Variants in METTL25 observed in about 807,000 individuals in gnomAD.
METTL25 encodes probable methyltransferase-like protein 25.
A neutral mutation model predicts 71.6 loss-of-function variants in METTL25; 64 were observed. The observed-to-expected ratio is 0.89, with a 90% CI of 0.73 to 1.10. The LOEUF is 1.10. Ranked by LOEUF, METTL25 falls within the 50% of genes least tolerant of loss-of-function variation. METTL25 has a pLI of 0.00. For synonymous variants in METTL25, 287 were observed against 250.3 expected, an observed-to-expected ratio of 1.15 and a Z score of -1.38; for missense variants, 807 against 707.0, an observed-to-expected ratio of 1.14 and a Z score of -1.60.
At chr12:82,397,660 A>C (rs1201756316) in intron 3 of METTL25, among the ~76,000 whole-genome samples, 1 of 152,008 alleles carries the variant, frequency 6.6e-6, no homozygotes, top group Non-Finnish European at 1.5e-5. Flanking sequence ...TTTTATATCA[A>C]CATCCAGTTA....
chr12:82,456,582 C>T (rs1421148728), intron 8 of METTL25, 145 bp from the exon 9 acceptor site: 1 of 492,166 alleles, frequency 2.0e-6, no homozygotes, highest in East Asian at 3.2e-5. Context: ...TTTAAAATGT[C>T]CTCAAAAGTA....
rs569316596 is a variant in METTL25, at chr12:82,391,517, A to ATGTT, written c.531+1595_531+1596insTGTT. The stretch of plus-strand genomic sequence containing the variant: ...ATATAAATGAACTTATGTTAATTGT[A>ATGTT]CAGTGTGATGTTTTGTTAGTATATG... On this transcript the variant is annotated intron_variant, in intron 3 of 11. Transcript: ENST00000248306. 3.0e-3 allele frequency among the ~76,000 whole-genome samples: 442 copies of ATGTT among 145,042 alleles called. 1 individual carries two copies. Among genetic ancestry groups the ATGTT allele is most frequent in the African/African-American group, 0.011 (427 of 38,740 alleles).
At chr12:82,389,976 A>ATTATTCATATTTCACCTTTTTACT in intron 3 of METTL25, 54 bp downstream of exon 3, 1 of 968,020 alleles carries the variant, frequency 1.0e-6, no homozygotes, top group Non-Finnish European at 1.6e-6. Context: ...ACTTTTTGGT[A>ATTATTCATATTTCACCTTTTTACT]TTATTCATAT....
intron 6 of METTL25, among the ~76,000 whole-genome samples, chr12:82,431,976 G>A (rs755325336): frequency 2.6e-5 from 4 of 151,618 alleles, no homozygotes; most frequent in Non-Finnish European, 4.4e-5. Context: ...TCAAATTATA[G>A]TATCTACTGA....
At position 82,399,043 on chromosome 12, in the gene METTL25, A is replaced by G; in HGVS notation, c.780A>G (p.Glu260=). The change falls in exon 4 of 12, where the codon GAA becomes GAG. Residue 260 remains glutamate (E), a synonymous_variant. Transcript: ENST00000248306. The part of the protein sequence containing the change: ...NKVKNKADTE[E]VFNNSPTNQE... The stretch of plus-strand genomic sequence containing the variant: ...TTAAAAATAAAGCTGATACTGAGGA[A>G]GTGTTTAACAACAGTCCTACAAATC... 6.2e-7 allele frequency: 1 copy of G among 1,612,516 alleles called. No individual in the cohort carries two copies. The highest frequency in any genetic ancestry group is 8.5e-7 in the Non-Finnish European group (1 of 1,179,178).
At chr12:82,420,594 T>C (rs574018384) in intron 5 of METTL25, among the ~76,000 whole-genome samples, 1 of 152,202 alleles carries the variant, frequency 6.6e-6, no homozygotes, top group South Asian at 2.1e-4. Flanking sequence ...CATTAGAAAC[T>C]AAAGAATATT....
intron 1 of METTL25, among the ~76,000 whole-genome samples, chr12:82,378,508 A>G (rs566045070): frequency 9.1e-4 from 139 of 152,362 alleles, no homozygotes; most frequent in African/African-American, 3.2e-3. Context: ...ATAGAGTAGA[A>G]TAAACACATC....
chr12:82,449,527 T>A (rs1480857304), intron 8 of METTL25, among the ~76,000 whole-genome samples: 1 of 152,170 alleles, frequency 6.6e-6, no homozygotes, highest in Non-Finnish European at 1.5e-5. Flanking sequence ...ATTTCTGCCA[T>A]CCTTTCATTC....
chr12:82,398,905 G>A lies in METTL25; in HGVS notation c.642G>A (p.Glu214=). ...CAAATACCAATACTCATGGAGCTGA[G>A]GAGAGAAACAGAAAATTGAAGAAAC... The part of the protein sequence containing the change: ...DSSNTNTHGA[E]ERNRKLKKHW... The change falls in exon 4 of 12, where the codon GAG becomes GAA. Residue 214 remains glutamate, a synonymous_variant. Coordinates refer to ENST00000248306, the MANE Select transcript of METTL25 (RefSeq NM_032230.3). The A allele has an allele frequency of 6.2e-7, 1 of 1,612,506 alleles. No homozygotes were observed. Among genetic ancestry groups the A allele is most frequent in the Non-Finnish European group, 8.5e-7 (1 of 1,179,572 alleles).
intron 8 of METTL25, among the ~76,000 whole-genome samples, chr12:82,445,670 G>A (rs566833329): frequency 5.3e-5 from 8 of 152,256 alleles, no homozygotes; most frequent in African/African-American, 1.9e-4. Flanking sequence ...TCCTGGAAGT[G>A]CTCCCGATAT....
intron 1 of METTL25, among the ~76,000 whole-genome samples, chr12:82,381,577 T>C (rs1042485455): frequency 3.3e-5 from 5 of 152,246 alleles, no homozygotes; most frequent in African/African-American, 1.2e-4. Context: ...TTGAAAGCGA[T>C]AGTATATATT....
At chr12:82,404,252 A>G (rs1032999141) in intron 5 of METTL25, among the ~76,000 whole-genome samples, 4 of 152,224 alleles carry the variant, frequency 2.6e-5, no homozygotes, top group Middle Eastern at 3.4e-3. Flanking sequence ...AAAATTTAGC[A>G]CTAGTTTAAT....
chr12:82,408,027 T>C (rs2137047278), intron 5 of METTL25: 2 of 867,958 alleles, frequency 2.3e-6, no homozygotes, highest in Non-Finnish European at 2.8e-6. Flanking sequence ...TTTGACACTT[T>C]TAGTGTATAG....
chr12:82,412,792 A>G (rs957118133), intron 5 of METTL25, among the ~76,000 whole-genome samples: 1 of 152,042 alleles, frequency 6.6e-6, no homozygotes, highest in African/African-American at 2.4e-5. Context: ...CAGACATTGA[A>G]CTTTTCACAT....
Position 82,405,970 on chromosome 12 carries a change from G to A in METTL25, c.1279+2840G>A, listed in dbSNP as rs59516529. On this transcript the variant is annotated intron_variant, in intron 5 of 11. Coordinates refer to ENST00000248306, the MANE Select transcript of METTL25 (RefSeq NM_032230.3). ...TACACACATAAGAGAGTATGTTATTGCACTGAACAAACATTTATTGAGCAG... is the reference window on the plus strand; with the variant it reads ...TACACACATAAGAGAGTATGTTATTACACTGAACAAACATTTATTGAGCAG... Among the ~76,000 whole-genome samples, 503 of 152,276 alleles carry A rather than the reference G, an allele frequency of 3.3e-3. 5 individuals are homozygous for A. Among genetic ancestry groups the A allele is most frequent in the African/African-American group, 0.011 (477 of 41,558 alleles).
chr12:82,405,144 C>G (rs773233847), intron 5 of METTL25, among the ~76,000 whole-genome samples: 2 of 152,162 alleles, frequency 1.3e-5, no homozygotes, highest in Non-Finnish European at 2.9e-5. Context: ...AGCCATCACT[C>G]TGTACTGTGA....
At chr12:82,415,490 T>C (rs1255935355) in intron 5 of METTL25, among the ~76,000 whole-genome samples, 4 of 152,096 alleles carry the variant, frequency 2.6e-5, no homozygotes, top group African/African-American at 9.7e-5. Flanking sequence ...AAGAATGGGC[T>C]GACACAATTA....
At chr12:82,363,712 CTAAAAAAAACTAGATGTTTA>C (rs1882222677) in intron 1 of METTL25, among the ~76,000 whole-genome samples, 1 of 125,556 alleles carries the variant, frequency 8.0e-6, no homozygotes, top group Non-Finnish European at 1.7e-5. Flanking sequence ...CATTTTTCAA[CTAAAAAAAACTAGATGTTTA>C]AAAAAAAAAA....
intron 9 of METTL25, chr12:82,476,380 TTCTTAG>T: frequency 3.1e-6 from 1 of 326,134 alleles, no homozygotes; most frequent in Admixed American, 5.1e-5. Context: ...AAATATTTCC[TTCTTAG>T]TTGTTGAAAT....
Sources: allele counts gnomAD v4.1 joint callset (sites outside exome capture counted in the v4.1 genomes callset), GRCh38; gene constraint gnomAD v4.1.1; transcripts MANE v1.5; gene names NCBI Gene and HGNC (gene_info 2026-07-23, HGNC 2026-07-21).